RNF6: variants seen among roughly 807,000 people sequenced by gnomAD.
RNF6 encodes the protein ring finger protein 6.
Under a neutral mutation model 50.1 loss-of-function variants are expected in RNF6, and 21 were observed. The observed-to-expected ratio is 0.42, with a 90% CI of 0.30 to 0.60. RNF6 has a LOEUF of 0.60. RNF6 is among the 20% of genes least tolerant of loss of function. RNF6 has a pLI of 0.20. For missense variants in RNF6, 698 were observed against 838.2 expected (o/e 0.83, Z 2.07); for synonymous variants, 255 against 291.8 (o/e 0.87, Z 1.29).
intron 2 of RNF6, among the ~76,000 whole-genome samples, chr13:26,219,969 T>C (rs1156530831): frequency 6.6e-6 from 1 of 152,248 alleles, no homozygotes; most frequent in Non-Finnish European, 1.5e-5. Context: ...GTTGACGATC[T>C]GGAAAAGTTG....
intron 5 of RNF6, among the ~76,000 whole-genome samples, chr13:26,146,187 T>C (rs1260784138): frequency 6.6e-6 from 1 of 152,208 alleles, no homozygotes; most frequent in African/African-American, 2.4e-5. Flanking sequence ...CTGGGAGAAG[T>C]GTTAACAGTA....
chr13:26,182,451 A>T, intron 5 of RNF6, among the ~76,000 whole-genome samples: 1 of 152,334 alleles, frequency 6.6e-6, no homozygotes, highest in African/African-American at 2.4e-5. Flanking sequence ...TGATAAATTG[A>T]TCATCTAATT....
intron 5 of RNF6, among the ~76,000 whole-genome samples, chr13:26,196,564 C>T (rs1264868932): frequency 2.7e-5 from 4 of 149,896 alleles, no homozygotes; most frequent in Admixed American, 2.0e-4. Context: ...ACCTGGGAGA[C>T]GGAGGTTGCC....
intron 5 of RNF6, among the ~76,000 whole-genome samples, chr13:26,204,152 T>A (rs1277954224): frequency 6.6e-6 from 1 of 152,136 alleles, no homozygotes; most frequent in Non-Finnish European, 1.5e-5. Flanking sequence ...AATTCTGTCT[T>A]GGTGTTCACT....
rs1566445015 is a variant in RNF6, at chr13:26,219,585, T to A, written c.65A>T (p.His22Leu). 1.2e-6 allele frequency: 2 copies of A among 1,614,064 alleles called. No individual in the cohort carries two copies. The highest frequency in any genetic ancestry group is 8.5e-7 in the Non-Finnish European group (1 of 1,179,958). Residue 22 changes from histidine (H) to leucine (L), a missense_variant, in exon 3 of 5, where the codon CAT (histidine) becomes CTT (leucine). By Grantham distance (99) the His-to-Leu change is moderately conservative. Coordinates refer to ENST00000381588, the MANE Select transcript of RNF6 (RefSeq NM_005977.4). ...SEETLPQDHN[H>L]HENERRWQQE... Reference sequence around the variant, plus strand: ...CTGCCATCTTCTCTCATTTTCATGATGATTATGGTCTTGAGGTAAGGTTTC... The same window carrying A: ...CTGCCATCTTCTCTCATTTTCATGAAGATTATGGTCTTGAGGTAAGGTTTC...
chr13:26,214,831 A>C lies in RNF6; in HGVS notation c.1051T>G (p.Leu351Val). The change falls in exon 5 of 5, where the codon TTA (leucine) becomes GTA (valine). Residue 351 changes from leucine to valine, a missense_variant. Physicochemically the swap from Leu to Val is conservative, Grantham distance 32. Transcript: ENST00000381588. The part of the protein sequence containing the change: ...VRRRGRTRVF[L>V]EQDRERERRG... ...CGTTCTCGTTCTCTATCTTGCTCTA[A>C]AAAGACTCGAGTTCTACCTCTCCTC... 2 of 1,614,152 alleles carry C rather than the reference A, an allele frequency of 1.2e-6. No homozygotes were observed. Among genetic ancestry groups the C allele is most frequent in the Non-Finnish European group, 1.7e-6 (2 of 1,180,014 alleles).
At chr13:26,138,848 T>C (rs959125431) in intron 5 of RNF6, among the ~76,000 whole-genome samples, 3 of 152,214 alleles carry the variant, frequency 2.0e-5, no homozygotes, top group East Asian at 1.9e-4. Context: ...CTGTCTTCCA[T>C]TGGCCTCATT....
At chr13:26,181,488 C>T (rs1324014218) in intron 5 of RNF6, among the ~76,000 whole-genome samples, 1 of 152,302 alleles carries the variant, frequency 6.6e-6, no homozygotes, top group Non-Finnish European at 1.5e-5. Context: ...GTGGCCTGCA[C>T]AGCCATAACC....
chr13:26,173,191 A>C (rs1872786415), intron 5 of RNF6, among the ~76,000 whole-genome samples: 2 of 152,242 alleles, frequency 1.3e-5, no homozygotes, highest in Admixed American at 6.5e-5. Flanking sequence ...TGCATGCCCC[A>C]CAGTTCAGTA....
At chr13:26,148,638 A>ATG (rs1566408282) in intron 5 of RNF6, among the ~76,000 whole-genome samples, 4 of 91,584 alleles carry the variant, frequency 4.4e-5, no homozygotes, top group African/African-American at 1.4e-4. Context: ...CTCTTTATAT[A>ATG]TATATATATA....
rs116765547 is a variant in RNF6 at position 26,203,497 on chromosome 13, G to A, written n.768+11977C>T. Among the ~76,000 whole-genome samples, 1,072 of 152,356 alleles carry A rather than the reference G, an allele frequency of 7.0e-3. 11 individuals carry two copies. Among genetic ancestry groups the A allele is most frequent in the South Asian group, 0.03 (147 of 4,834 alleles). ...TAAGAGAACCTGCTGTGAGAAGCAC[G>A]ACTGACTGAGAGCCTCCAGTTGTCA... On this transcript the variant is annotated intron_variant and non_coding_transcript_variant, in intron 5 of 5. Coordinates refer to the RNF6 transcript ENST00000468480.
chr13:26,188,605 T>C (rs1401100177), intron 5 of RNF6, among the ~76,000 whole-genome samples: 1 of 142,880 alleles, frequency 7.0e-6, no homozygotes, highest in Non-Finnish European at 1.5e-5. Context: ...GGGGCTTTAG[T>C]TGGACAAGTC....
In RNF6 at chr13:26,133,252, C is replaced by T. The variant is rs992682369; in HGVS notation, n.769-801G>A. Reference sequence around the variant, plus strand: ...CCTATAGGTAAAGTGTCATTTTTCTCTCACTGCTGTCAACATTTTCTGAAA... The same window carrying T: ...CCTATAGGTAAAGTGTCATTTTTCTTTCACTGCTGTCAACATTTTCTGAAA... On this transcript the variant is annotated intron_variant and non_coding_transcript_variant, in intron 5 of 5. Transcript: ENST00000468480. Among the ~76,000 whole-genome samples the T allele has an allele frequency of 2.0e-5, 3 of 152,160 alleles. No individual in the cohort carries two copies. The East Asian group carries it at 5.8e-4, about 29-fold the overall frequency.
intron 5 of RNF6, among the ~76,000 whole-genome samples, chr13:26,164,877 T>A (rs567571): frequency 0.79 from 120,646 of 152,112 alleles, 47,894 homozygotes; most frequent in East Asian, 0.81. Flanking sequence ...GTTCAAAAAA[T>A]TTGCAGCCTG....
At chr13:26,184,006 ATATATATATATATTTTT>A (rs1204836493) in intron 5 of RNF6, among the ~76,000 whole-genome samples, 2 of 10,166 alleles carry the variant, frequency 2.0e-4, no homozygotes, top group East Asian at 8.3e-3. Flanking sequence ...ATATATATAT[ATATATATATATATTTTT>A]TTTTTTTTTT....
At chr13:26,203,388 G>C (rs151310127) in intron 5 of RNF6, among the ~76,000 whole-genome samples, 259 of 152,334 alleles carry the variant, frequency 1.7e-3, no homozygotes, top group African/African-American at 6.0e-3. Flanking sequence ...AGGAGGATTC[G>C]GGCTAAGCCA....
chr13:26,191,538 T>A (rs1379522301), intron 5 of RNF6, among the ~76,000 whole-genome samples: 1 of 152,156 alleles, frequency 6.6e-6, no homozygotes, highest in South Asian at 2.1e-4. Context: ...GGGGGCAGTT[T>A]CCCTCATGCT....
At chr13:26,155,381 G>A (rs938462318) in intron 5 of RNF6, among the ~76,000 whole-genome samples, 8 of 150,544 alleles carry the variant, frequency 5.3e-5, no homozygotes, top group African/African-American at 1.2e-4. Context: ...ATTCTACTTT[G>A]TGTAACAAGT....
chr13:26,156,784 A>G (rs1296504890), intron 5 of RNF6, among the ~76,000 whole-genome samples: 1 of 152,230 alleles, frequency 6.6e-6, no homozygotes, highest in African/African-American at 2.4e-5. Context: ...ATAAGAAATC[A>G]GAACTGCCAG....
Sources: allele counts gnomAD v4.1 joint callset (sites outside exome capture counted in the v4.1 genomes callset), GRCh38; gene constraint gnomAD v4.1.1; transcripts MANE v1.5; gene names NCBI Gene and HGNC (gene_info 2026-07-23, HGNC 2026-07-21).